The following SMARCC1 variants were observed in gnomAD, a reference collection of about 807,000 sequenced individuals.
SMARCC1 encodes the protein SWI/SNF complex subunit SMARCC1.
SMARCC1 carries 43 observed loss-of-function variants against 147.4 expected under a neutral mutation model. The observed-to-expected ratio is 0.29, with a 90% CI of 0.23 to 0.38. The LOEUF is 0.38. Ranked by LOEUF, SMARCC1 falls within the 10% of genes least tolerant of loss-of-function variation. The pLI is 1.00. For synonymous variants in SMARCC1, 495 were observed against 484.4 expected (o/e 1.02, Z -0.29); for missense variants, 1,119 against 1,381.1 (o/e 0.81, Z 3.01).
intron 22 of SMARCC1, 73 bp from the exon 23 acceptor site, chr3:47,636,209 T>C (rs1270814877): frequency 6.6e-6 from 5 of 755,224 alleles, no homozygotes; most frequent in South Asian, 1.6e-5. Flanking sequence ...GTAATTATCT[T>C]AGACTAGCAA....
chr3:47,730,694 G>A (rs747818037), intron 5 of SMARCC1, among the ~76,000 whole-genome samples: 10 of 151,988 alleles, frequency 6.6e-5, no homozygotes, highest in Middle Eastern at 3.4e-3. Context: ...GGTGAAACGC[G>A]TGTCTATTAA....
rs79595246 is a variant in SMARCC1 at position 47,617,139 on chromosome 3, G to A, written c.2781+5068C>T. 4.2e-3 allele frequency among the ~76,000 whole-genome samples: 645 copies of A among 152,284 alleles called. 7 individuals are homozygous for A. Among genetic ancestry groups the A allele is most frequent in the African/African-American group, 0.015 (621 of 41,558 alleles). ...AAAAGCTCATTTCTTTATAAATTAC[G>A]AAGTACTAGATAAATACAAAGAGCT... On this transcript the variant is annotated intron_variant, in intron 25 of 27. Transcript: ENST00000254480.
At chr3:47,756,854 G>A (rs2034704543) in intron 2 of SMARCC1, among the ~76,000 whole-genome samples, 1 of 152,064 alleles carries the variant, frequency 6.6e-6, no homozygotes, top group African/African-American at 2.4e-5. Flanking sequence ...ACAAACCTCT[G>A]CTCATCAAAG....
chr3:47,588,733 T>G, intron 27 of SMARCC1, among the ~76,000 whole-genome samples: 1 of 75,612 alleles, frequency 1.3e-5, no homozygotes, highest in African/African-American at 5.4e-5. Context: ...GTCCCTAGCC[T>G]AGCTGGGCAC....
At chr3:47,595,966 C>A (rs151162093) in intron 26 of SMARCC1, among the ~76,000 whole-genome samples, 1 of 151,746 alleles carries the variant, frequency 6.6e-6, no homozygotes, top group African/African-American at 2.4e-5. Context: ...ATCTCTTGAC[C>A]TCGTGATCTG....
At chr3:47,657,850 G>A (rs1410318954) in intron 21 of SMARCC1, among the ~76,000 whole-genome samples, 1 of 151,520 alleles carries the variant, frequency 6.6e-6, no homozygotes, top group Non-Finnish European at 1.5e-5. Context: ...TGAGAAGAAT[G>A]GAAACATAAA....
At chr3:47,758,379 G>C (rs1310075971) in intron 2 of SMARCC1, among the ~76,000 whole-genome samples, 1 of 138,712 alleles carries the variant, frequency 7.2e-6, no homozygotes, top group African/African-American at 2.6e-5. Flanking sequence ...CTTCAGCCTC[G>C]CAAAAAAAAA....
Position 47,652,293 on chromosome 3 carries a change from A to G in SMARCC1, c.2320+9001T>C, listed in dbSNP as rs78305956. On this transcript the variant is annotated intron_variant, in intron 21 of 27. Coordinates refer to ENST00000254480, the MANE Select transcript of SMARCC1 (RefSeq NM_003074.4). ...GCTTCTGTGGGTTTTGTTGGCATTC[A>G]GTGGCATATAGAGGAAGTCAACCAC... Among the ~76,000 whole-genome samples the G allele has an allele frequency of 4.5e-3, 687 of 152,220 alleles. 1 individual carries two copies. Among genetic ancestry groups the G allele is most frequent in the South Asian group, 9.5e-3 (46 of 4,826 alleles).
chr3:47,738,390 A>G (rs1362515980), intron 3 of SMARCC1, among the ~76,000 whole-genome samples: 1 of 152,202 alleles, frequency 6.6e-6, no homozygotes, highest in African/African-American at 2.4e-5. Flanking sequence ...ATAGAAAAGT[A>G]GTCCACATAT....
intron 11 of SMARCC1, among the ~76,000 whole-genome samples, chr3:47,696,976 T>G (rs774604054): frequency 2.6e-5 from 4 of 152,176 alleles, no homozygotes; most frequent in Admixed American, 6.5e-5. Context: ...ATCCTCTCAC[T>G]GAATAGCTAG....
At chr3:47,717,297 G>A (rs2106805634) in intron 7 of SMARCC1, among the ~76,000 whole-genome samples, 1 of 152,254 alleles carries the variant, frequency 6.6e-6, no homozygotes, top group East Asian at 1.9e-4. Flanking sequence ...AGAGAACACA[G>A]TAATCCGTTC....
intron 27 of SMARCC1, 81 bp downstream of exon 27, chr3:47,590,578 GGA>G: frequency 8.1e-7 from 1 of 1,230,142 alleles, no homozygotes; most frequent in Middle Eastern, 2.9e-4. Context: ...CAAATCTCGG[GGA>G]GAGAACAAAG....
chr3:47,642,354 C>T (rs1390646083), intron 21 of SMARCC1, among the ~76,000 whole-genome samples: 3 of 152,094 alleles, frequency 2.0e-5, no homozygotes, highest in East Asian at 1.9e-4. Context: ...CTTTGGGAGG[C>T]CAAGGCAGGT....
At chr3:47,602,061 T>C (rs922973921) in intron 26 of SMARCC1, among the ~76,000 whole-genome samples, 5 of 152,006 alleles carry the variant, frequency 3.3e-5, no homozygotes, top group African/African-American at 1.2e-4. Flanking sequence ...AAAGTGGTGA[T>C]TGGTTGTAAT....
intron 24 of SMARCC1, among the ~76,000 whole-genome samples, chr3:47,624,937 C>T (rs2032787386): frequency 2.0e-5 from 3 of 149,590 alleles, no homozygotes; most frequent in Non-Finnish European, 4.4e-5. Context: ...TGGCACATGC[C>T]TGTGATCCCA....
At chr3:47,680,542 T>A in intron 14 of SMARCC1, 34 bp from the exon 15 acceptor site, 1 of 876,606 alleles carries the variant, frequency 1.1e-6, no homozygotes, top group Non-Finnish European at 1.7e-6. Context: ...TTTAGGAGTG[T>A]TCTTTTTTTT....
chr3:47,613,137 C>G (rs1242198329), intron 25 of SMARCC1, among the ~76,000 whole-genome samples: 1 of 152,140 alleles, frequency 6.6e-6, no homozygotes, highest in Non-Finnish European at 1.5e-5. Context: ...ATCTGGAAAT[C>G]TGTCCTAGAA....
chr3:47,739,375 C>CT (rs1366773413), intron 3 of SMARCC1, among the ~76,000 whole-genome samples: 1 of 152,164 alleles, frequency 6.6e-6, no homozygotes, highest in East Asian at 1.9e-4. Flanking sequence ...GGCTGGAATG[C>CT]TCTGGTGCAG....
At chr3:47,611,542 T>G (rs1364901297) in intron 25 of SMARCC1, among the ~76,000 whole-genome samples, 3 of 152,252 alleles carry the variant, frequency 2.0e-5, no homozygotes, top group Admixed American at 6.5e-5. Flanking sequence ...GTTATATATA[T>G]GGCTCACATA....
Sources: gnomAD v4.1 joint callset for allele counts (sites outside exome capture counted in the v4.1 genomes callset) on GRCh38, gnomAD v4.1.1 for gene constraint, MANE v1.5 for transcripts, NCBI Gene and HGNC (gene_info 2026-07-23, HGNC 2026-07-21) for gene names.